The following BASP1 variants were observed in gnomAD, a reference collection of about 807,000 sequenced individuals.
The protein encoded by BASP1 is brain abundant membrane attached signal protein 1, also known as brain acid soluble protein 1.
A neutral mutation model predicts 2.2 loss-of-function variants in BASP1; 1 was observed. That is an observed-to-expected ratio of 0.46 (90% CI 0.16 to 2.17). BASP1 has a LOEUF of 2.17. Ranked by LOEUF, BASP1 falls within the 30% of genes most tolerant of loss-of-function variation. The pLI is 0.27. For synonymous variants in BASP1, 187 were observed against 154.2 expected (o/e 1.21, Z -1.58); for missense variants, 352 against 327.2 (o/e 1.08, Z -0.58).
At chr5:17,259,355 C>G (rs778194227) in intron 1 of BASP1, among the ~76,000 whole-genome samples, 1 of 152,184 alleles carries the variant, frequency 6.6e-6, no homozygotes, top group South Asian at 2.1e-4. Context: ...GTGGGAGTTA[C>G]AATTCAAGAT....
intron 1 of BASP1, among the ~76,000 whole-genome samples, chr5:17,233,778 T>G (rs1016803231): frequency 2.0e-5 from 3 of 152,042 alleles, no homozygotes; most frequent in Admixed American, 1.3e-4. Context: ...TTTTTTTTTT[T>G]TCAACATTCT....
intron 1 of BASP1, among the ~76,000 whole-genome samples, chr5:17,267,349 C>T (rs955982027): frequency 3.3e-5 from 5 of 152,130 alleles, no homozygotes; most frequent in African/African-American, 4.8e-5. Flanking sequence ...ACAGTTATGA[C>T]GCTATTTGAG....
intron 1 of BASP1, among the ~76,000 whole-genome samples, chr5:17,252,953 A>T (rs1022979843): frequency 4.6e-5 from 7 of 152,164 alleles, no homozygotes; most frequent in African/African-American, 1.7e-4. Flanking sequence ...TCTGCTCTTG[A>T]GTGTGAAAGC....
rs1001165886 is a variant in BASP1, at chr5:17,240,207, G to A, written c.-10+22397G>A. On this transcript the variant is annotated intron_variant, in intron 1 of 1. Transcript: ENST00000322611. ...CAGGAGTTTGAAGCTGGGGTGAGCC[G>A]TGATCATGCCACTGCACTCCATCCT... is the stretch of plus-strand genomic sequence containing the variant. Among the ~76,000 whole-genome samples, 8 of 152,134 alleles carry A rather than the reference G, an allele frequency of 5.3e-5. No individual in the cohort carries two copies. In the East Asian group the frequency reaches 1.2e-3, roughly 22 times the overall value.
At chr5:17,227,892 A>G (rs559268856) in intron 1 of BASP1, among the ~76,000 whole-genome samples, 2 of 152,310 alleles carry the variant, frequency 1.3e-5, no homozygotes, top group African/African-American at 2.4e-5. Flanking sequence ...ACCCAAGCTC[A>G]TATTTCCCAA....
At chr5:17,254,394 T>C (rs1188095754) in intron 1 of BASP1, among the ~76,000 whole-genome samples, 1 of 152,220 alleles carries the variant, frequency 6.6e-6, no homozygotes, top group African/African-American at 2.4e-5. Flanking sequence ...GCTATGAATC[T>C]ACTAGGATCA....
intron 1 of BASP1, among the ~76,000 whole-genome samples, chr5:17,225,293 C>T (rs1243108208): frequency 6.6e-6 from 1 of 151,678 alleles, no homozygotes; most frequent in Admixed American, 6.6e-5. Flanking sequence ...CAGTCTGGAT[C>T]CTATATCCGT....
At position 17,231,520 on chromosome 5, in the gene BASP1, C is replaced by T. The variant is rs114211265; in HGVS notation, c.-10+13710C>T. ...ACCTTCTATTTTCGTCTCTTACCTC[C>T]GTTCCTACACACTCTCTCACCCACC... is the stretch of plus-strand genomic sequence containing the variant. On this transcript the variant is annotated intron_variant, in intron 1 of 1. Coordinates refer to ENST00000322611, the MANE Select transcript of BASP1 (RefSeq NM_006317.5). 9.5e-3 allele frequency among the ~76,000 whole-genome samples: 1,450 copies of T among 152,264 alleles called. 25 individuals are homozygous for T. Among genetic ancestry groups the T allele is most frequent in the African/African-American group, 0.033 (1,364 of 41,540 alleles).
At chr5:17,272,071 G>GAAAA (rs778258451) in intron 1 of BASP1, among the ~76,000 whole-genome samples, 6 of 60,028 alleles carry the variant, frequency 1.0e-4, no homozygotes, top group African/African-American at 1.1e-4. Flanking sequence ...TGCATTTCAA[G>GAAAA]AAAAAAAAAA....
intron 1 of BASP1, among the ~76,000 whole-genome samples, chr5:17,233,355 G>A (rs1322413387): frequency 6.6e-6 from 1 of 152,188 alleles, no homozygotes; most frequent in African/African-American, 2.4e-5. Flanking sequence ...GAATTGGCCA[G>A]TGGCATCCTC....
chr5:17,266,933 T>C (rs1740426560), intron 1 of BASP1, among the ~76,000 whole-genome samples: 2 of 152,228 alleles, frequency 1.3e-5, no homozygotes, highest in South Asian at 4.1e-4. Context: ...TGATACACCC[T>C]GGTTTCGTTT....
chr5:17,258,994 C>A (rs1340156536), intron 1 of BASP1, among the ~76,000 whole-genome samples: 1 of 152,150 alleles, frequency 6.6e-6, no homozygotes. Flanking sequence ...CTCAACATGG[C>A]AGTAGAATCT....
At position 17,276,749 on chromosome 5, in the gene BASP1, A is replaced by C. The variant is rs938225112; in HGVS notation, c.*849A>C. 6.0e-6 allele frequency: 1 copy of C among 166,492 alleles called. No individual in the cohort carries two copies. The highest frequency in any genetic ancestry group is 2.1e-4 in the South Asian group (1 of 4,804). The allele number at this position is 166,492 out of a possible 1,614,324, so 10.3% of individuals were successfully genotyped here. A position where few individuals can be genotyped will look rare whatever the true frequency, so the allele number is the denominator to read the frequency against. Reference sequence around the variant, plus strand: ...AATGGAAAAAAAAAACAAAAAAAAAACAAAAAAATGTACAATGGATGCATT... The same window carrying C: ...AATGGAAAAAAAAAACAAAAAAAAACCAAAAAAATGTACAATGGATGCATT... On this transcript the variant is annotated 3_prime_UTR_variant, in exon 2 of 2. Coordinates refer to ENST00000322611, the MANE Select transcript of BASP1 (RefSeq NM_006317.5).
At chr5:17,233,343 ATGAATTGGCCAG>A (rs1739672703) in intron 1 of BASP1, among the ~76,000 whole-genome samples, 1 of 152,336 alleles carries the variant, frequency 6.6e-6, no homozygotes, top group African/African-American at 2.4e-5. Flanking sequence ...AATTCAGCTC[ATGAATTGGCCAG>A]TGGCATCCTC....
Position 17,276,000 on chromosome 5 carries a change from C to A in BASP1, c.*100C>A. The A allele has an allele frequency of 9.8e-7, 1 of 1,024,828 alleles. No individual in the cohort carries two copies. The highest frequency in any genetic ancestry group is 1.3e-6 in the Non-Finnish European group (1 of 743,114). The allele number at this position is 1,024,828 out of a possible 1,614,324, so 63.5% of individuals were successfully genotyped here. On this transcript the variant is annotated 3_prime_UTR_variant, in exon 2 of 2. Transcript: ENST00000322611. This position sits in a 1 kb window ranked among gnomAD's most constrained non-coding sequence, Gnocchi z 5.3. ...CTCTCTCTATCTCCTCTCTCTCTCT[C>A]CTCTCCTATCTCTCCTCTCTCTCTC...
At position 17,275,723 on chromosome 5, in the gene BASP1, T is replaced by C. The variant is rs1740635234; in HGVS notation, c.507T>C (p.Ala169=). ...AQETKSDGAP[A]SDSKPGSSEA... ...AGACCAAAAGTGACGGGGCCCCAGC[T>C]TCAGACTCAAAACCCGGCAGCTCGG... The change falls in exon 2 of 2, where the codon GCT becomes GCC. Residue 169 remains alanine, a synonymous_variant. Coordinates refer to ENST00000322611, the MANE Select transcript of BASP1 (RefSeq NM_006317.5). The surrounding 1 kb of genome is among the most constrained non-coding windows in gnomAD (Gnocchi z 5.3). 1.9e-6 allele frequency: 3 copies of C among 1,610,468 alleles called. No individual in the cohort carries two copies. The highest frequency in any genetic ancestry group is 2.5e-6 in the Non-Finnish European group (3 of 1,178,834).
At chr5:17,245,425 T>A (rs1170169441) in intron 1 of BASP1, among the ~76,000 whole-genome samples, 2 of 152,220 alleles carry the variant, frequency 1.3e-5, no homozygotes, top group Non-Finnish European at 2.9e-5. Context: ...TGGAGTTTTA[T>A]GTTATAATTG....
chr5:17,245,437 T>C (rs1561170535), intron 1 of BASP1, among the ~76,000 whole-genome samples: 2 of 152,214 alleles, frequency 1.3e-5, no homozygotes. Context: ...TTATAATTGT[T>C]GATATTACAA....
intron 1 of BASP1, among the ~76,000 whole-genome samples, chr5:17,244,399 G>A (rs907577675): frequency 6.6e-6 from 1 of 152,114 alleles, no homozygotes; most frequent in Non-Finnish European, 1.5e-5. Flanking sequence ...GATTCCTTAA[G>A]GATCCCTAAT....
Sources: allele counts gnomAD v4.1 joint callset (sites outside exome capture counted in the v4.1 genomes callset), GRCh38; gene constraint gnomAD v4.1.1; non-coding constraint Gnocchi (gnomAD v3.1); transcripts MANE v1.5; gene names NCBI Gene and HGNC (gene_info 2026-07-23, HGNC 2026-07-21).